The following PDE4D variants were observed in gnomAD, a reference collection of about 807,000 sequenced individuals.
PDE4D encodes the protein phosphodiesterase 4D.
A neutral mutation model predicts 87.4 loss-of-function variants in PDE4D; 24 were observed. The observed-to-expected ratio is 0.27, with a 90% CI of 0.20 to 0.39. PDE4D has a LOEUF of 0.39. Ranked by LOEUF, PDE4D falls within the 10% of genes least tolerant of loss-of-function variation. PDE4D has a pLI of 1.00. For missense variants in PDE4D, 714 were observed against 1,041.0 expected (o/e 0.69, Z 4.32); for synonymous variants, 384 against 383.2 (o/e 1.00, Z -0.02).
intron 5 of PDE4D, among the ~76,000 whole-genome samples, chr5:59,131,559 C>A (rs989826532): frequency 6.8e-6 from 1 of 146,532 alleles, no homozygotes; most frequent in Non-Finnish European, 1.5e-5. Flanking sequence ...TTTTACTGGC[C>A]CTTGGTTAAA....
At chr5:60,130,898 T>C (rs757496568) in intron 2 of PDE4D, among the ~76,000 whole-genome samples, 7 of 152,220 alleles carry the variant, frequency 4.6e-5, no homozygotes, top group Non-Finnish European at 8.8e-5. Flanking sequence ...TTATATGACT[T>C]GTCTATGGAG....
At chr5:60,425,864 G>C (rs1426998543) in intron 1 of PDE4D, among the ~76,000 whole-genome samples, 1 of 152,158 alleles carries the variant, frequency 6.6e-6, no homozygotes, top group Non-Finnish European at 1.5e-5. Context: ...CCATCAAAAA[G>C]TGGGCGAAGG....
At chr5:59,882,896 G>A (rs1276226935) in intron 1 of PDE4D, among the ~76,000 whole-genome samples, 7 of 151,946 alleles carry the variant, frequency 4.6e-5, no homozygotes, top group Non-Finnish European at 7.4e-5. Flanking sequence ...TCGTGTCTCA[G>A]CCTCTTGAGT....
chr5:59,567,631 G>T (rs1821163483), intron 1 of PDE4D, among the ~76,000 whole-genome samples: 1 of 152,044 alleles, frequency 6.6e-6, no homozygotes, highest in Non-Finnish European at 1.5e-5. Context: ...AAAACATTTT[G>T]GGGGAAAAAT....
At chr5:59,773,736 T>C (rs1319299004) in intron 1 of PDE4D, among the ~76,000 whole-genome samples, 1 of 152,220 alleles carries the variant, frequency 6.6e-6, no homozygotes, top group African/African-American at 2.4e-5. Context: ...TAAAGTTTGA[T>C]GATAAAGTTA....
intron 1 of PDE4D, among the ~76,000 whole-genome samples, chr5:59,251,303 A>T (rs1224640641): frequency 6.6e-6 from 1 of 152,222 alleles, no homozygotes; most frequent in African/African-American, 2.4e-5. Flanking sequence ...AATATCCTGC[A>T]TCTATAAGGA....
chr5:59,890,669 G>T (rs892703606), intron 1 of PDE4D, among the ~76,000 whole-genome samples: 2 of 152,106 alleles, frequency 1.3e-5, no homozygotes, highest in African/African-American at 2.4e-5. Context: ...TTTAAGGTGG[G>T]CTCACCACCT....
chr5:60,022,512 T>G (rs762224150), intron 2 of PDE4D: 5 of 152,140 alleles, frequency 3.3e-5, no homozygotes, highest in Non-Finnish European at 7.4e-5. Flanking sequence ...GGCTCTAACT[T>G]TTTTGCTATA....
intron 11 of PDE4D, among the ~76,000 whole-genome samples, chr5:58,978,997 G>C (rs141051799): frequency 1.3e-5 from 2 of 152,142 alleles, no homozygotes; most frequent in Non-Finnish European, 2.9e-5. Flanking sequence ...ATTAGAGTTC[G>C]TTTAAGGAAG....
intron 1 of PDE4D, among the ~76,000 whole-genome samples, chr5:60,318,396 T>A (rs1755852099): frequency 6.6e-6 from 1 of 152,204 alleles, no homozygotes; most frequent in Admixed American, 6.5e-5. Flanking sequence ...GTGAGATGGG[T>A]TTCCTGAATA....
chr5:60,359,264 C>T lies in PDE4D; in HGVS notation c.-90+128678G>A, dbSNP rs367778878. ...TCCACCAAAAACACAAAAAATTGGC[C>T]GGGCATGGTGGCACAAGCCTGTGAT... On this transcript the variant is annotated intron_variant, in intron 1 of 16. Transcript: ENST00000502484. Among the ~76,000 whole-genome samples the T allele has an allele frequency of 5.3e-5, 8 of 152,188 alleles. No homozygotes were observed. The South Asian group carries it at 6.2e-4, about 12-fold the overall frequency.
chr5:59,126,436 C>T (rs1241719028), intron 5 of PDE4D, among the ~76,000 whole-genome samples: 1 of 152,140 alleles, frequency 6.6e-6, no homozygotes, highest in Non-Finnish European at 1.5e-5. Context: ...AAGAAGCACA[C>T]TTAATATAAT....
At chr5:59,895,312 T>C (rs1176400570), upstream of PDE4D, among the ~76,000 whole-genome samples, 1 of 152,228 alleles carries the variant, frequency 6.6e-6, no homozygotes, top group Non-Finnish European at 1.5e-5. Context: ...TCATCATCTC[T>C]TCATGCTATT....
At chr5:59,085,658 C>T (rs1473456869) in intron 5 of PDE4D, among the ~76,000 whole-genome samples, 9 of 152,074 alleles carry the variant, frequency 5.9e-5, no homozygotes, top group African/African-American at 9.7e-5. Context: ...GCAAAATGTG[C>T]GGATACCCTG....
intron 5 of PDE4D, among the ~76,000 whole-genome samples, chr5:59,043,792 G>A (rs972134121): frequency 2.0e-5 from 3 of 151,488 alleles, no homozygotes; most frequent in Admixed American, 6.6e-5. Flanking sequence ...ACCTATGAGT[G>A]AGAACATGCG....
intron 6 of PDE4D, among the ~76,000 whole-genome samples, chr5:59,036,620 C>T (rs1053960688): frequency 6.6e-6 from 1 of 152,186 alleles, no homozygotes; most frequent in Non-Finnish European, 1.5e-5. Context: ...ACTTTACAAC[C>T]TTTAGCAAGA....
chr5:60,404,394 G>C (rs986073145), intron 1 of PDE4D, among the ~76,000 whole-genome samples: 1 of 152,168 alleles, frequency 6.6e-6, no homozygotes, highest in Admixed American at 6.5e-5. Flanking sequence ...CCCAGGGATT[G>C]CATTACCTCT....
rs534587005 is a variant in PDE4D, at chr5:60,515,681, T to C, written n.70+6370A>G. Among the ~76,000 whole-genome samples the C allele has an allele frequency of 5.5e-4, 84 of 151,462 alleles. 3 individuals carry two copies. In the South Asian group the frequency reaches 0.017, roughly 31 times the overall value. Reference sequence around the variant, plus strand: ...ACTGAGATGGCCACAACCCATTATGTATGATACGGATGATATGTGGATAGT... The same window carrying C: ...ACTGAGATGGCCACAACCCATTATGCATGATACGGATGATATGTGGATAGT... On this transcript the variant is annotated intron_variant and non_coding_transcript_variant, in intron 1 of 2. Coordinates refer to the PDE4D transcript ENST00000506510.
At chr5:60,247,093 A>AT (rs1305274369) in intron 1 of PDE4D, among the ~76,000 whole-genome samples, 1 of 151,720 alleles carries the variant, frequency 6.6e-6, no homozygotes, top group African/African-American at 2.4e-5. Flanking sequence ...TGTTCTGATG[A>AT]TTTTTTTTCA....
Sources: gnomAD v4.1 joint callset for allele counts (sites outside exome capture counted in the v4.1 genomes callset) on GRCh38, gnomAD v4.1.1 for gene constraint, MANE v1.5 for transcripts, NCBI Gene and HGNC (gene_info 2026-07-23, HGNC 2026-07-21) for gene names.